The following PCLO variants were observed in gnomAD, a reference collection of about 807,000 sequenced individuals.
PCLO encodes piccolo presynaptic cytomatrix protein.
In PCLO, 82 loss-of-function variants were observed where a neutral mutation model predicts 427.5. The ratio of observed to expected loss-of-function variants is 0.19; its 90% CI spans 0.16 to 0.23. The LOEUF (loss-of-function observed/expected upper bound fraction) is 0.23, where lower values mean the gene tolerates loss of function less well. PCLO is among the 10% of genes least tolerant of loss of function. PCLO has a pLI of 1.00. For synonymous variants in PCLO, 2,357 were observed against 2,155.4 expected (o/e 1.09, Z -2.59); for missense variants, 6,239 against 6,115.9 (o/e 1.02, Z -0.67).
chr7:82,880,859 A>G (rs897692596), intron 9 of PCLO, among the ~76,000 whole-genome samples: 1 of 152,254 alleles, frequency 6.6e-6, no homozygotes, highest in Non-Finnish European at 1.5e-5. Flanking sequence ...TTGTAAAACT[A>G]AAACAAGAAA....
chr7:82,868,125 C>T (rs1207958561), intron 10 of PCLO: 2 of 456,588 alleles, frequency 4.4e-6, no homozygotes, highest in Non-Finnish European at 4.4e-6. Context: ...CCCCCTGGAA[C>T]AAGAACAAGG....
chr7:83,120,824 T>G (rs1039041620), intron 3 of PCLO, among the ~76,000 whole-genome samples: 3 of 152,150 alleles, frequency 2.0e-5, no homozygotes, highest in Non-Finnish European at 4.4e-5. Context: ...ACCTGTCTTA[T>G]AAGAAATCCT....
At chr7:83,028,998 A>G (rs1354929742) in intron 3 of PCLO, among the ~76,000 whole-genome samples, 1 of 152,200 alleles carries the variant, frequency 6.6e-6, no homozygotes. Flanking sequence ...CTAAAACCAT[A>G]AAAACCCTAG....
intron 2 of PCLO, among the ~76,000 whole-genome samples, chr7:83,139,414 CATT>C (rs1791810500): frequency 6.6e-6 from 1 of 152,192 alleles, no homozygotes; most frequent in Non-Finnish European, 1.5e-5. Context: ...TATGCCCTAA[CATT>C]ATCTTTGGAC....
In PCLO at chr7:82,949,964, G is replaced by C. The variant is rs746260871; in HGVS notation, c.10624C>G (p.Arg3542Gly). The change falls in exon 6 of 25, where the codon CGA becomes GGA. Residue 3542 changes from arginine to glycine, a missense_variant. By Grantham distance (125) the Arg-to-Gly change is moderately radical. Transcript: ENST00000333891. ...GTIRTPSIRA[R>G]VDAKVEIIKH... ...ATTATTTCTACCTTGGCATCCACTC[G>C]TGCCCGTATGGAGGGTGTTCTTATG... 1.9e-6 allele frequency: 3 copies of C among 1,613,276 alleles called. No homozygotes were observed. In the East Asian group the frequency reaches 6.7e-5, roughly 36 times the overall value.
chr7:82,811,482 C>T (rs371233753), intron 20 of PCLO, among the ~76,000 whole-genome samples: 3 of 151,176 alleles, frequency 2.0e-5, no homozygotes. Context: ...TTTTAATTTT[C>T]TTTTGAACGT....
rs368414424 is a variant in PCLO, at chr7:83,155,370, T to C, written c.1271A>G (p.Gln424Arg). 178 of 1,613,436 alleles carry C rather than the reference T, an allele frequency of 1.1e-4. 1 individual carries two copies. The highest frequency in any genetic ancestry group is 5.0e-5 in the Admixed American group (3 of 59,968). The change falls in exon 2 of 25, where the codon CAA becomes CGA. Residue 424 changes from glutamine to arginine, a missense_variant. Around this residue, in one of 5 missense-constraint regions of PCLO, gnomAD observed 4,677 missense variants for 4,468.4 expected, o/e 1.05. Coordinates refer to ENST00000333891, the MANE Select transcript of PCLO (RefSeq NM_033026.6). ...QVGTPKPLAQQPGLQSPAKAP... is the reference protein window; with the variant it reads ...QVGTPKPLAQRPGLQSPAKAP... Reference sequence around the variant, plus strand: ...CTTAGCTGGAGACTGTAGCCCAGGTTGTTGAGCTAGGGGTTTTGGTGTCCC... The same window carrying C: ...CTTAGCTGGAGACTGTAGCCCAGGTCGTTGAGCTAGGGGTTTTGGTGTCCC...
At chr7:82,936,006 T>C (rs1249070102) in intron 6 of PCLO, among the ~76,000 whole-genome samples, 1 of 151,672 alleles carries the variant, frequency 6.6e-6, no homozygotes, top group African/African-American at 2.4e-5. Context: ...ATTCTCTAGC[T>C]TGGATACAAC....
intron 9 of PCLO, among the ~76,000 whole-genome samples, chr7:82,884,429 G>A (rs1204731858): frequency 1.3e-5 from 2 of 152,134 alleles, no homozygotes; most frequent in Non-Finnish European, 2.9e-5. Context: ...AAGCACATAG[G>A]ATTTTCTCCT....
intron 22 of PCLO, among the ~76,000 whole-genome samples, chr7:82,794,332 G>T (rs1791169351): frequency 6.6e-6 from 1 of 151,546 alleles, no homozygotes; most frequent in South Asian, 2.1e-4. Context: ...CTGCTAGTTA[G>T]AATTTGAGCC....
intron 3 of PCLO, among the ~76,000 whole-genome samples, chr7:83,128,621 A>G (rs1448136708): frequency 6.6e-6 from 1 of 152,164 alleles, no homozygotes; most frequent in Non-Finnish European, 1.5e-5. Context: ...AAAAGACTAT[A>G]CAGAAAAGAT....
chr7:83,151,899 T>C (rs1158760412), intron 2 of PCLO, among the ~76,000 whole-genome samples: 1 of 152,058 alleles, frequency 6.6e-6, no homozygotes, highest in Non-Finnish European at 1.5e-5. Context: ...AACACAAAAT[T>C]ATGGGAAGTT....
chr7:83,083,079 G>A (rs1790144102), intron 3 of PCLO, among the ~76,000 whole-genome samples: 1 of 151,662 alleles, frequency 6.6e-6, no homozygotes, highest in Admixed American at 6.6e-5. Context: ...AATTACTTTA[G>A]CACTTTATTT....
intron 3 of PCLO, among the ~76,000 whole-genome samples, chr7:83,051,645 T>C (rs77765360): frequency 0.01 from 1,583 of 152,256 alleles, 21 homozygotes; most frequent in African/African-American, 0.036. Context: ...GATTTATAGA[T>C]TCAATGCAAT....
At chr7:83,161,086 G>A (rs943436766) in intron 1 of PCLO, among the ~76,000 whole-genome samples, 2 of 152,132 alleles carry the variant, frequency 1.3e-5, no homozygotes, top group Non-Finnish European at 2.9e-5. Flanking sequence ...ACTAGTACTA[G>A]TAGTTTCAAG....
At chr7:82,912,293 C>A (rs1396996479) in intron 7 of PCLO, among the ~76,000 whole-genome samples, 1 of 151,610 alleles carries the variant, frequency 6.6e-6, no homozygotes, top group African/African-American at 2.4e-5. Flanking sequence ...AAAGTAGTTT[C>A]TTCTATTTTT....
intron 2 of PCLO, among the ~76,000 whole-genome samples, chr7:83,146,890 C>T (rs983817400): frequency 1.3e-5 from 2 of 152,054 alleles, no homozygotes; most frequent in Admixed American, 6.6e-5. Flanking sequence ...GCATGAGCCA[C>T]CGCACCCAGA....
chr7:82,816,635 A>G (rs556350208), intron 20 of PCLO, among the ~76,000 whole-genome samples: 67 of 152,272 alleles, frequency 4.4e-4, no homozygotes, highest in African/African-American at 1.4e-3. Flanking sequence ...TTCTTCTTAG[A>G]TCATATATTA....
intron 3 of PCLO, among the ~76,000 whole-genome samples, chr7:83,067,495 TG>T (rs150544792): frequency 0.019 from 2,900 of 152,256 alleles, 99 homozygotes; most frequent in African/African-American, 0.067. Context: ...TGACTAGTAT[TG>T]TAATAAAGAC....
Sources: allele counts gnomAD v4.1 joint callset (sites outside exome capture counted in the v4.1 genomes callset), GRCh38; gene constraint gnomAD v4.1.1; regional missense constraint gnomAD v4.1.1; transcripts MANE v1.5; gene names NCBI Gene and HGNC (gene_info 2026-07-23, HGNC 2026-07-21).